The following MAML3 variants were observed in gnomAD, a reference collection of about 807,000 sequenced individuals.
MAML3 encodes the protein mastermind-like protein 3.
In MAML3, 27 loss-of-function variants were observed where a neutral mutation model predicts 101.9. That is an observed-to-expected ratio of 0.27 (90% CI 0.20 to 0.37). The LOEUF (loss-of-function observed/expected upper bound fraction) is 0.37. Among genes scored for constraint, MAML3 ranks in the 10% least tolerant of loss-of-function variants. The pLI, the probability that MAML3 is intolerant of heterozygous loss-of-function variation, is 1.00. For missense variants in MAML3, 1,316 were observed against 1,444.9 expected (o/e 0.91, Z 1.45); for synonymous variants, 501 against 555.9 (o/e 0.90, Z 1.39).
intron 2 of MAML3, among the ~76,000 whole-genome samples, chr4:139,757,615 C>T (rs1010013504): frequency 2.1e-5 from 3 of 139,790 alleles, no homozygotes; most frequent in African/African-American, 8.1e-5. Context: ...TGCACTCCAG[C>T]CTGGATGACA....
intron 1 of MAML3, chr4:140,134,511 T>C (rs1432660660): frequency 5.4e-6 from 2 of 373,410 alleles, no homozygotes; most frequent in African/African-American, 4.2e-5. Context: ...AGACCAGTGA[T>C]TAAAAATGTA....
rs1214255481 is a variant in MAML3, at chr4:140,069,378, AAGAAGAAGGAGG to A, written c.468+83470_468+83481del. 1.2e-3 allele frequency among the ~76,000 whole-genome samples: 145 copies of A among 119,176 alleles called. 2 individuals are homozygous for A. Among genetic ancestry groups the A allele is most frequent in the African/African-American group, 4.2e-3 (132 of 31,736 alleles). The allele number at this position is 119,176 out of a possible 152,430, so 78.2% of individuals were successfully genotyped here. A position where few individuals can be genotyped will look rare whatever the true frequency, so the allele number is the denominator to read the frequency against. ...GGAGAAGGAGAAGAAGAAGAAGAAG[AAGAAGAAGGAGG>A]AGGAGGAGGAGGAGGAGGAGGAGGA... On this transcript the variant is annotated intron_variant, in intron 1 of 4. Transcript: ENST00000509479.
intron 1 of MAML3, among the ~76,000 whole-genome samples, chr4:140,076,067 A>C (rs1485143856): frequency 6.6e-6 from 1 of 151,750 alleles, no homozygotes; most frequent in South Asian, 2.1e-4. Context: ...CAGCCTCCCT[A>C]TGTTGCCCAG....
chr4:139,994,074 C>T (rs1004034677), intron 1 of MAML3, among the ~76,000 whole-genome samples: 4 of 152,114 alleles, frequency 2.6e-5, no homozygotes, highest in African/African-American at 9.7e-5. Context: ...TCCAATTGTT[C>T]CTGATGAAAG....
intron 2 of MAML3, among the ~76,000 whole-genome samples, chr4:139,754,698 C>G (rs527731724): frequency 6.6e-6 from 1 of 152,234 alleles, no homozygotes; most frequent in East Asian, 1.9e-4. Context: ...AAAGATATGA[C>G]CTATTTACAC....
At chr4:140,058,840 C>T (rs1357128410) in intron 1 of MAML3, among the ~76,000 whole-genome samples, 4 of 151,916 alleles carry the variant, frequency 2.6e-5, no homozygotes, top group Non-Finnish European at 2.9e-5. Flanking sequence ...AATAAGAAAT[C>T]CAAACACAGT....
At chr4:140,107,749 C>G (rs887657730) in intron 1 of MAML3, among the ~76,000 whole-genome samples, 2 of 151,660 alleles carry the variant, frequency 1.3e-5, no homozygotes, top group African/African-American at 4.9e-5. Flanking sequence ...AGATGACCCA[C>G]CAGTCTCACC....
chr4:140,058,935 G>C (rs1286409120), intron 1 of MAML3, among the ~76,000 whole-genome samples: 1 of 152,164 alleles, frequency 6.6e-6, no homozygotes, highest in Non-Finnish European at 1.5e-5. Context: ...GTTTTCTCCT[G>C]AGAAGATGGC....
intron 1 of MAML3, among the ~76,000 whole-genome samples, chr4:139,997,395 A>G (rs72712565): frequency 0.019 from 2,889 of 152,138 alleles, 57 homozygotes; most frequent in Middle Eastern, 0.051. Flanking sequence ...TTGCAGATTA[A>G]CACGAACTTA....
At chr4:139,817,601 C>G (rs1469377745) in intron 2 of MAML3, among the ~76,000 whole-genome samples, 1 of 152,170 alleles carries the variant, frequency 6.6e-6, no homozygotes, top group Non-Finnish European at 1.5e-5. Flanking sequence ...TTTTTCAGAT[C>G]AGAGGACTGA....
intron 1 of MAML3, among the ~76,000 whole-genome samples, chr4:140,060,114 C>T (rs1471331974): frequency 6.6e-6 from 1 of 151,912 alleles, no homozygotes; most frequent in Non-Finnish European, 1.5e-5. Context: ...GCCTGTAATC[C>T]CAGCACTTTG....
rs1315543947 is a variant in MAML3 at position 139,785,569 on chromosome 4, G to C, written c.2080-54902C>G. Among the ~76,000 whole-genome samples, 2 of 152,188 alleles carry C rather than the reference G, an allele frequency of 1.3e-5. No homozygotes were observed. Among genetic ancestry groups the C allele is most frequent in the Non-Finnish European group, 2.9e-5 (2 of 68,046 alleles). ...TGCTTGGCTGGTGCTGCACTGCGGA[G>C]TATTGTTTGGAAAAATATCACCCAG... On this transcript the variant is annotated intron_variant, in intron 2 of 4. Transcript: ENST00000509479. The surrounding 1 kb of genome is among the most constrained non-coding windows in gnomAD (Gnocchi z 4.3).
At chr4:139,734,829 A>C (rs933380480) in intron 2 of MAML3, among the ~76,000 whole-genome samples, 2 of 152,282 alleles carry the variant, frequency 1.3e-5, no homozygotes, top group African/African-American at 4.8e-5. Context: ...AAGAGCAGGG[A>C]ATCACAAAAG....
At chr4:140,026,943 C>T (rs1250707000) in intron 1 of MAML3, among the ~76,000 whole-genome samples, 1 of 151,872 alleles carries the variant, frequency 6.6e-6, no homozygotes, top group Non-Finnish European at 1.5e-5. Flanking sequence ...ATGTGCAATA[C>T]TTTCTTATAT....
chr4:140,059,230 C>T (rs1334025180), intron 1 of MAML3, among the ~76,000 whole-genome samples: 1 of 152,260 alleles, frequency 6.6e-6, no homozygotes, highest in Non-Finnish European at 1.5e-5. Flanking sequence ...GAAAAGAAAA[C>T]CTCTTTCTTA....
chr4:140,071,914 G>A (rs1727662854), intron 1 of MAML3, among the ~76,000 whole-genome samples: 1 of 152,142 alleles, frequency 6.6e-6, no homozygotes, highest in African/African-American at 2.4e-5. Flanking sequence ...GTGCAAGAAT[G>A]TCCTAGAATG....
intron 1 of MAML3, among the ~76,000 whole-genome samples, chr4:140,053,573 A>G (rs1169251963): frequency 6.6e-6 from 1 of 152,148 alleles, no homozygotes; most frequent in East Asian, 1.9e-4. Flanking sequence ...TATAAACAAA[A>G]CCAAACATGG....
At chr4:140,097,369 C>T (rs1395756372) in intron 1 of MAML3, among the ~76,000 whole-genome samples, 1 of 152,148 alleles carries the variant, frequency 6.6e-6, no homozygotes, top group Non-Finnish European at 1.5e-5. Flanking sequence ...CTTCAGTGTA[C>T]AGGAGCTGCT....
chr4:139,800,255 A>G (rs1730581009), intron 2 of MAML3, among the ~76,000 whole-genome samples: 1 of 152,210 alleles, frequency 6.6e-6, no homozygotes, highest in Non-Finnish European at 1.5e-5. Flanking sequence ...TAGAACAGGA[A>G]GAAGGCCATT....
Sources: gnomAD v4.1 joint callset for allele counts (sites outside exome capture counted in the v4.1 genomes callset) on GRCh38, gnomAD v4.1.1 for gene constraint, Gnocchi (gnomAD v3.1) non-coding constraint, MANE v1.5 for transcripts, NCBI Gene and HGNC (gene_info 2026-07-23, HGNC 2026-07-21) for gene names.